The following TXNDC16 variants were observed in gnomAD, a reference collection of about 807,000 sequenced individuals.
TXNDC16 encodes thioredoxin domain-containing protein 16.
Under a neutral mutation model 85.6 loss-of-function variants are expected in TXNDC16, and 74 were observed. The ratio of observed to expected loss-of-function variants is 0.86; its 90% CI spans 0.72 to 1.05. The LOEUF is 1.05. Ranked by LOEUF, TXNDC16 falls within the 50% of genes least tolerant of loss-of-function variation. The pLI is 0.00. For synonymous variants in TXNDC16, 335 were observed against 326.5 expected (o/e 1.03, Z -0.28); for missense variants, 959 against 947.0 (o/e 1.01, Z -0.17).
chr14:52,504,633 C>A (rs1281117705), intron 9 of TXNDC16, among the ~76,000 whole-genome samples: 1 of 152,190 alleles, frequency 6.6e-6, no homozygotes, highest in Non-Finnish European at 1.5e-5. Flanking sequence ...ATTGTAAAGA[C>A]CATCAATGCT....
chr14:52,493,206 T>TACACACAC (rs71125111), intron 9 of TXNDC16, among the ~76,000 whole-genome samples: 146 of 132,394 alleles, frequency 1.1e-3, no homozygotes, highest in South Asian at 9.0e-3. Context: ...TATATATATA[T>TACACACAC]ATATATATAT....
chr14:52,451,850 A>G (rs557721401), intron 18 of TXNDC16, among the ~76,000 whole-genome samples: 5 of 152,312 alleles, frequency 3.3e-5, no homozygotes, highest in African/African-American at 1.2e-4. Context: ...GCAATCAAAC[A>G]AGACAAAGAA....
intron 1 of TXNDC16, among the ~76,000 whole-genome samples, chr14:52,551,688 G>A (rs978353112): frequency 2.0e-5 from 3 of 151,734 alleles, no homozygotes; most frequent in Admixed American, 6.6e-5. Flanking sequence ...ACTATGTGCC[G>A]GCCCAATATA....
intron 9 of TXNDC16, among the ~76,000 whole-genome samples, chr14:52,492,428 C>T (rs2036428531): frequency 6.6e-6 from 1 of 152,200 alleles, no homozygotes; most frequent in Admixed American, 6.5e-5. Context: ...GCCTAAGAGA[C>T]ATAGACTTCT....
intron 6 of TXNDC16, among the ~76,000 whole-genome samples, chr14:52,529,782 ATATAT>A (rs1170109872): frequency 8.5e-6 from 1 of 117,198 alleles, no homozygotes; most frequent in South Asian, 2.4e-4. Flanking sequence ...TATACCTAGT[ATATAT>A]TATATAATAA....
chr14:52,478,701 CCAGACAGATTCA>C (rs2036075221), intron 14 of TXNDC16, among the ~76,000 whole-genome samples: 1 of 151,896 alleles, frequency 6.6e-6, no homozygotes. Flanking sequence ...AAGTCCAGGA[CCAGACAGATTCA>C]CAGCAGAATC....
In TXNDC16 at chr14:52,457,076, A is replaced by G. The variant is rs761054803; in HGVS notation, c.1703+14T>C. 35 of 1,518,408 alleles carry G rather than the reference A, an allele frequency of 2.3e-5. No individual in the cohort carries two copies. In the African/African-American group the frequency reaches 4.7e-4, roughly 20 times the overall value. 94.1% of individuals were successfully genotyped at this position (1,518,408 alleles called of 1,614,324 possible). The stretch of plus-strand genomic sequence containing the variant: ...ATTTCTCCCTCCCTAAAATTAAAAG[A>G]GCAATAAACTTACAGTAGCAAAACA... On this transcript the variant is annotated intron_variant, in intron 17 of 20. Transcript: ENST00000281741.
chr14:52,488,085 G>A (rs538295236), intron 12 of TXNDC16, among the ~76,000 whole-genome samples: 2 of 152,136 alleles, frequency 1.3e-5, no homozygotes, highest in Non-Finnish European at 1.5e-5. Flanking sequence ...AGTCCAGAAC[G>A]GCTGAAAGAA....
At chr14:52,471,282 A>G (rs1211423287) in intron 14 of TXNDC16, among the ~76,000 whole-genome samples, 1 of 152,122 alleles carries the variant, frequency 6.6e-6, no homozygotes, top group Non-Finnish European at 1.5e-5. Flanking sequence ...AATATATCTA[A>G]TTACTGTCCA....
intron 6 of TXNDC16, among the ~76,000 whole-genome samples, chr14:52,531,138 C>T (rs1440669648): frequency 1.3e-5 from 2 of 152,080 alleles, no homozygotes; most frequent in Non-Finnish European, 2.9e-5. Flanking sequence ...CCACTATATA[C>T]CTATTATGCT....
chr14:52,462,331 G>A (rs1403383531), intron 16 of TXNDC16, among the ~76,000 whole-genome samples: 1 of 152,186 alleles, frequency 6.6e-6, no homozygotes, highest in South Asian at 2.1e-4. Context: ...GAGTAGCTGG[G>A]ATTAGACAGA....
At chr14:52,492,381 T>C (rs1452315917) in intron 9 of TXNDC16, among the ~76,000 whole-genome samples, 1 of 152,150 alleles carries the variant, frequency 6.6e-6, no homozygotes, top group Non-Finnish European at 1.5e-5. Flanking sequence ...TATAGAGCTC[T>C]AGGCTCGGCC....
intron 18 of TXNDC16, among the ~76,000 whole-genome samples, chr14:52,448,062 C>A (rs1046380833): frequency 2.0e-5 from 3 of 148,744 alleles, no homozygotes; most frequent in Non-Finnish European, 4.5e-5. Context: ...AAAATAGCCT[C>A]AAAAGGACAA....
intron 14 of TXNDC16, among the ~76,000 whole-genome samples, chr14:52,472,624 G>T (rs1201565423): frequency 6.6e-6 from 1 of 152,120 alleles, no homozygotes; most frequent in African/African-American, 2.4e-5. Context: ...TACATTAAAG[G>T]ATATTAATAC....
intron 11 of TXNDC16, 141 bp downstream of exon 11, chr14:52,490,249 CA>C (rs2036368830): frequency 1.9e-6 from 1 of 517,736 alleles, no homozygotes; most frequent in Middle Eastern, 5.2e-4. Flanking sequence ...ATAAAAACAT[CA>C]AAACGTTAAC....
At chr14:52,468,943 C>T (rs996523223) in intron 16 of TXNDC16, among the ~76,000 whole-genome samples, 6 of 151,700 alleles carry the variant, frequency 4.0e-5, no homozygotes, top group African/African-American at 1.5e-4. Context: ...ATACGTTATT[C>T]TATTGGGAAC....
rs1047498043 is a variant in TXNDC16, at chr14:52,457,013, T to C, written c.1703+77A>G. ...ACCTTATTTTCCTCCATCAGCTGTG[T>C]AAATATAAGCAATTATTAGATAACA... On this transcript the variant is annotated intron_variant, in intron 17 of 20. Transcript: ENST00000281741. 46 of 1,051,202 alleles carry C rather than the reference T, an allele frequency of 4.4e-5. No individual in the cohort carries two copies. The East Asian group carries it at 1.2e-3, about 28-fold the overall frequency. The allele number at this position is 1,051,202 out of a possible 1,614,324, so 65.1% of individuals were successfully genotyped here.
At chr14:52,521,709 ATCT>A (rs2037215471) in intron 6 of TXNDC16, among the ~76,000 whole-genome samples, 1 of 152,182 alleles carries the variant, frequency 6.6e-6, no homozygotes, top group Non-Finnish European at 1.5e-5. Context: ...GTAAAACTTG[ATCT>A]TCTATCATTC....
chr14:52,526,989 T>C (rs1258195628), intron 6 of TXNDC16, among the ~76,000 whole-genome samples: 1 of 152,240 alleles, frequency 6.6e-6, no homozygotes, highest in African/African-American at 2.4e-5. Context: ...GAGGGCAGCA[T>C]GCCAGGGGAG....
Sources: allele counts gnomAD v4.1 joint callset (sites outside exome capture counted in the v4.1 genomes callset), GRCh38; gene constraint gnomAD v4.1.1; transcripts MANE v1.5; gene names NCBI Gene and HGNC (gene_info 2026-07-23, HGNC 2026-07-21).